The following PPM1B variants were observed in gnomAD, a reference collection of about 807,000 sequenced individuals.
PPM1B encodes the protein protein phosphatase, Mg2+/Mn2+ dependent 1B.
A neutral mutation model predicts 43.0 loss-of-function variants in PPM1B; 22 were observed. That is an observed-to-expected ratio of 0.51 (90% CI 0.37 to 0.73). The LOEUF (loss-of-function observed/expected upper bound fraction) is 0.73, where lower values mean the gene tolerates loss of function less well. Among genes scored for constraint, PPM1B ranks in the 30% least tolerant of loss-of-function variants. The probability of loss-of-function intolerance (pLI) is 0.00; values close to 1 mark genes in which losing one functional copy is unlikely to be tolerated. For synonymous variants in PPM1B, 217 were observed against 197.9 expected (o/e 1.10, Z -0.81); for missense variants, 632 against 584.2 (o/e 1.08, Z -0.84).
intron 1 of PPM1B, among the ~76,000 whole-genome samples, chr2:44,199,179 A>G (rs1330478688): frequency 2.7e-5 from 4 of 148,852 alleles, no homozygotes; most frequent in Admixed American, 2.0e-4. Context: ...AGTGGTGTGA[A>G]CCTGGGAGGC....
At chr2:44,191,436 G>A (rs1242525365) in intron 1 of PPM1B, among the ~76,000 whole-genome samples, 3 of 152,114 alleles carry the variant, frequency 2.0e-5, no homozygotes, top group Non-Finnish European at 4.4e-5. Flanking sequence ...GGCTGGTGTC[G>A]AACTCCTGAC....
intron 1 of PPM1B, among the ~76,000 whole-genome samples, chr2:44,189,765 C>T (rs910425565): frequency 3.3e-5 from 5 of 152,268 alleles, no homozygotes; most frequent in Non-Finnish European, 5.9e-5. Context: ...GTAGCCTGCC[C>T]ATTGTTTTTT....
intron 2 of PPM1B, 125 bp downstream of exon 2, chr2:44,202,170 C>T: frequency 1.0e-6 from 1 of 958,160 alleles, no homozygotes; most frequent in Non-Finnish European, 1.4e-6. Context: ...TTTTGAAGTA[C>T]TTTACCAGAA....
At chr2:44,198,930 T>C (rs964113773) in intron 1 of PPM1B, among the ~76,000 whole-genome samples, 1 of 152,150 alleles carries the variant, frequency 6.6e-6, no homozygotes, top group African/African-American at 2.4e-5. Flanking sequence ...AAAATTTCAT[T>C]ACAATCACAA....
intron 1 of PPM1B, among the ~76,000 whole-genome samples, chr2:44,188,999 GC>G (rs1245124366): frequency 5.3e-5 from 8 of 152,130 alleles, no homozygotes; most frequent in Non-Finnish European, 1.0e-4. Flanking sequence ...CTCCCGGGTA[GC>G]TGGGACTACA....
chr2:44,217,896 C>T, intron 3 of PPM1B, 71 bp from the exon 4 acceptor site: 2 of 883,782 alleles, frequency 2.3e-6, no homozygotes, highest in South Asian at 2.6e-5. Context: ...CAAATAGTAT[C>T]TCTTGTTTCA....
chr2:44,222,089 T>G (rs1278030156), intron 5 of PPM1B, among the ~76,000 whole-genome samples: 21 of 152,066 alleles, frequency 1.4e-4, no homozygotes, highest in Admixed American at 1.4e-3. Context: ...CAAAACTACA[T>G]TTTGCTGTAA....
At chr2:44,224,673 A>C (rs191377051) in intron 5 of PPM1B, among the ~76,000 whole-genome samples, 1 of 143,248 alleles carries the variant, frequency 7.0e-6, no homozygotes, top group Admixed American at 7.5e-5. Flanking sequence ...CTTTTAAGCT[A>C]TGTTAGTCTA....
At position 44,219,424 on chromosome 2, in the gene PPM1B, A is replaced by G. The variant is rs1432382959; in HGVS notation, c.1134+887A>G. ...ATCCATTGGCTAGAAATCATATGTC[A>G]TCTCAATTGCATTATTTGCTAGGAT... On this transcript the variant is annotated intron_variant, in intron 5 of 5. Transcript: ENST00000282412. Among the ~76,000 whole-genome samples, 6 of 152,252 alleles carry G rather than the reference A, an allele frequency of 3.9e-5. No homozygotes were observed. In the East Asian group the frequency reaches 9.6e-4, roughly 24 times the overall value.
At chr2:44,196,090 A>G (rs577437927) in intron 1 of PPM1B, among the ~76,000 whole-genome samples, 23 of 152,316 alleles carry the variant, frequency 1.5e-4, no homozygotes, top group South Asian at 8.3e-4. Flanking sequence ...TAATGAGCCA[A>G]TACTGATACA....
At chr2:44,227,563 G>T (rs1249276364) in intron 5 of PPM1B, among the ~76,000 whole-genome samples, 1 of 149,490 alleles carries the variant, frequency 6.7e-6, no homozygotes, top group Non-Finnish European at 1.5e-5. Flanking sequence ...TGTCGCCTAG[G>T]CTGGAGTGCA....
intron 4 of PPM1B, 114 bp from the exon 5 acceptor site, chr2:44,218,366 A>G (rs1669821291): frequency 3.8e-6 from 3 of 788,844 alleles, no homozygotes; most frequent in East Asian, 2.7e-5. Context: ...GTTCTTGACA[A>G]GTATAGAGTG....
chr2:44,198,030 G>C, intron 1 of PPM1B, among the ~76,000 whole-genome samples: 1 of 152,156 alleles, frequency 6.6e-6, no homozygotes, highest in East Asian at 1.9e-4. Flanking sequence ...AAGCAGATGG[G>C]ATTGACAGAT....
chr2:44,170,231 C>T (rs535387030), intron 1 of PPM1B, among the ~76,000 whole-genome samples: 1 of 152,132 alleles, frequency 6.6e-6, no homozygotes, highest in African/African-American at 2.4e-5. Flanking sequence ...TATTCAATTT[C>T]TTCTAAGAAC....
chr2:44,186,845 A>C lies in PPM1B; in HGVS notation c.-14-14341A>C, dbSNP rs542953520. Among the ~76,000 whole-genome samples the C allele has an allele frequency of 2.5e-3, 376 of 152,016 alleles. 1 individual carries two copies. Among genetic ancestry groups the C allele is most frequent in the African/African-American group, 8.6e-3 (356 of 41,438 alleles). ...TTTGTGTAGATGACTTTCTAGCTCT[A>C]CTCTTACCCCCAAAAGCTTAAATAA... On this transcript the variant is annotated intron_variant, in intron 1 of 5. Coordinates refer to ENST00000282412, the MANE Select transcript of PPM1B (RefSeq NM_002706.6).
chr2:44,174,459 A>C (rs923061045), intron 1 of PPM1B, among the ~76,000 whole-genome samples: 8 of 152,226 alleles, frequency 5.3e-5, no homozygotes, highest in Non-Finnish European at 7.3e-5. Context: ...GTCTACGTAG[A>C]ATGGCCTTCA....
intron 5 of PPM1B, among the ~76,000 whole-genome samples, chr2:44,224,456 A>T (rs1443205942): frequency 2.3e-4 from 1 of 4,346 alleles, no homozygotes; most frequent in African/African-American, 8.6e-4. Flanking sequence ...CTCCGTCTCC[A>T]AAAAAAAAAA....
rs193281904 is a variant in PPM1B, at chr2:44,177,565, C to T, written c.-15+8291C>T. On this transcript the variant is annotated intron_variant, in intron 1 of 5. Coordinates refer to ENST00000282412, the MANE Select transcript of PPM1B (RefSeq NM_002706.6). ...TCGTGAGTAGCTGAGATTACAGGCA[C>T]GTGCCACCACGCTCAGCTAATTTTT... Among the ~76,000 whole-genome samples, 48 of 151,816 alleles carry T rather than the reference C, an allele frequency of 3.2e-4. No individual in the cohort carries two copies. The East Asian group carries it at 7.0e-3, about 22-fold the overall frequency.
Position 44,173,281 on chromosome 2 carries a change from A to G in PPM1B, c.-15+4007A>G, listed in dbSNP as rs567324007. ...ACAAAATTTTCCAAAAGTGTAATCT[A>G]TATAGTGTATTTATTTCTCAGAGTA... is the stretch of plus-strand genomic sequence containing the variant. On this transcript the variant is annotated intron_variant, in intron 1 of 5. Transcript: ENST00000282412. 1.7e-4 allele frequency among the ~76,000 whole-genome samples: 26 copies of G among 152,366 alleles called. No individual in the cohort carries two copies. In the South Asian group the frequency reaches 3.5e-3, roughly 21 times the overall value.
Sources: allele counts gnomAD v4.1 joint callset (sites outside exome capture counted in the v4.1 genomes callset), GRCh38; gene constraint gnomAD v4.1.1; transcripts MANE v1.5; gene names NCBI Gene and HGNC (gene_info 2026-07-23, HGNC 2026-07-21).